GPC1: variants seen among roughly 807,000 people sequenced by gnomAD.
GPC1 encodes glypican 1, also known as glypican-1.
Under a neutral mutation model 51.5 loss-of-function variants are expected in GPC1, and 26 were observed. The ratio of observed to expected loss-of-function variants is 0.50; its 90% CI spans 0.37 to 0.70. The LOEUF is 0.70. Among genes scored for constraint, GPC1 ranks in the 30% least tolerant of loss-of-function variants. The pLI, the probability that GPC1 is intolerant of heterozygous loss-of-function variation, is 0.00. For synonymous variants in GPC1, 380 were observed against 348.3 expected, an observed-to-expected ratio of 1.09 and a Z score of -1.01; for missense variants, 775 against 800.5, an observed-to-expected ratio of 0.97 and a Z score of 0.38.
intron 1 of GPC1, chr2:240,458,053 C>A: frequency 2.1e-6 from 1 of 470,952 alleles, no homozygotes. Flanking sequence ...AGTGTGGAGT[C>A]CTGAGCTTAG....
At chr2:240,458,942 G>A in intron 1 of GPC1, 88 bp from the exon 2 acceptor site, 1 of 1,291,778 alleles carries the variant, frequency 7.7e-7, no homozygotes, top group South Asian at 1.4e-5. Context: ...CCCTGGGTCT[G>A]CCATCCTGCC....
Position 240,464,846 on chromosome 2 carries a change from G to C in GPC1, c.1015-10G>C. On this transcript the variant is annotated splice_polypyrimidine_tract_variant and intron_variant, in intron 5 of 8. Coordinates refer to ENST00000264039, the MANE Select transcript of GPC1 (RefSeq NM_002081.3). ...CACTACCCCCCAAGGACCCTGCAGTGTCTCTCCAGGTCATCCAGGGCTGCG... is the reference window on the plus strand; with the variant it reads ...CACTACCCCCCAAGGACCCTGCAGTCTCTCTCCAGGTCATCCAGGGCTGCG... The C allele has an allele frequency of 6.4e-7, 1 of 1,557,754 alleles. No individual in the cohort carries two copies.
rs530137655 is a variant in GPC1 at position 240,467,680 on chromosome 2, AC to A, written c.*1392del. 3.1e-4 allele frequency: 47 copies of A among 152,104 alleles called. No homozygotes were observed. Among genetic ancestry groups the A allele is most frequent in the African/African-American group, 1.1e-3 (47 of 41,470 alleles). 9.4% of individuals were successfully genotyped at this position (152,104 alleles called of 1,614,324 possible). On this transcript the variant is annotated 3_prime_UTR_variant, in exon 9 of 9. Transcript: ENST00000264039. Reference sequence around the variant, plus strand: ...GCTTAGTGCTGCTTTGCTTTTCATCACCGTCCCGCACAGTGGACGGAGGTCC... The same window carrying A: ...GCTTAGTGCTGCTTTGCTTTTCATCACGTCCCGCACAGTGGACGGAGGTCC...
Position 240,463,521 on chromosome 2 carries a change from C to G in GPC1, c.883+9C>G. On this transcript the variant is annotated intron_variant, in intron 4 of 8. Coordinates refer to ENST00000264039, the MANE Select transcript of GPC1 (RefSeq NM_002081.3). ...GTGGAGGAACCTCCTGGGTGAGCCC[C>G]CACCCGCGAGAGCGGCCTGGAACTG... is the stretch of plus-strand genomic sequence containing the variant. 6.2e-7 allele frequency: 1 copy of G among 1,611,922 alleles called. No individual in the cohort carries two copies. Among genetic ancestry groups the G allele is most frequent in the Non-Finnish European group, 8.5e-7 (1 of 1,179,292 alleles).
rs1559205336 is a variant in GPC1, at chr2:240,467,284, GA to G, written c.*995del. 1 of 152,234 alleles carries G rather than the reference GA, an allele frequency of 6.6e-6. No individual in the cohort carries two copies. The highest frequency in any genetic ancestry group is 1.9e-4 in the East Asian group (1 of 5,186). The allele number at this position is 152,234 out of a possible 1,614,324, so 9.4% of individuals were successfully genotyped here. ...GTGGCTGGTGAGACCCCGCACTGCA[GA>G]CGGGAATGCCTAGGTCCCTTCCCGA... On this transcript the variant is annotated 3_prime_UTR_variant, in exon 9 of 9. Coordinates refer to ENST00000264039, the MANE Select transcript of GPC1 (RefSeq NM_002081.3).
chr2:240,459,371 TCAGG>T (rs199633169), intron 2 of GPC1, among the ~76,000 whole-genome samples, 183 bp downstream of exon 2: 1,972 of 152,248 alleles, frequency 0.013, 18 homozygotes, highest in Non-Finnish European at 0.02. Context: ...GGGGCTGCCC[TCAGG>T]CAGGGATCTG....
At chr2:240,437,438 T>C (rs1459386970) in intron 1 of GPC1, among the ~76,000 whole-genome samples, 2 of 151,518 alleles carry the variant, frequency 1.3e-5, no homozygotes, top group Non-Finnish European at 2.9e-5. Context: ...CCTTGGCGGA[T>C]CTCCCGATGC....
At chr2:240,443,963 G>C (rs2074033701) in intron 1 of GPC1, among the ~76,000 whole-genome samples, 1 of 152,246 alleles carries the variant, frequency 6.6e-6, no homozygotes, top group African/African-American at 2.4e-5. Flanking sequence ...CTCCTGCTCT[G>C]GGCCTGGCTA....
chr2:240,464,923 G>T lies in GPC1; in HGVS notation c.1082G>T (p.Arg361Leu). 1.3e-6 allele frequency: 2 copies of T among 1,551,366 alleles called. No homozygotes were observed. The highest frequency in any genetic ancestry group is 1.7e-6 in the Non-Finnish European group (2 of 1,147,662). ...CCCGGGCCTGAGGAGAAGCGGCGCC[G>T]GGGCAAGCTGGCCCCGCGGGAGAGG... ...QGPGPEEKRRRGKLAPRERPP... is the reference protein window; with the variant it reads ...QGPGPEEKRRLGKLAPRERPP... Residue 361 changes from arginine (R) to leucine (L), a missense_variant, in exon 6 of 9, where the codon CGG (arginine) becomes CTG (leucine). By Grantham distance (102) the Arg-to-Leu change is moderately radical. Transcript: ENST00000264039.
At chr2:240,462,615 C>A (rs766744309) in intron 3 of GPC1, 33 bp downstream of exon 3, 2 of 1,495,626 alleles carry the variant, frequency 1.3e-6, no homozygotes, top group East Asian at 2.3e-5. Flanking sequence ...CTCAGAAACC[C>A]CTCCAGACCC....
chr2:240,462,079 G>A, intron 2 of GPC1, 112 bp from the exon 3 acceptor site: 1 of 1,075,152 alleles, frequency 9.3e-7, no homozygotes, highest in Non-Finnish European at 1.3e-6. Flanking sequence ...CGACTCCGAG[G>A]TCCTCAGAGT....
chr2:240,454,067 G>A (rs2074132635), intron 1 of GPC1, among the ~76,000 whole-genome samples: 1 of 152,142 alleles, frequency 6.6e-6, no homozygotes, highest in Admixed American at 6.5e-5. Context: ...TGGTGGCGGG[G>A]GGGCTTCGGG....
intron 4 of GPC1, chr2:240,463,803 C>A: frequency 2.1e-6 from 1 of 478,562 alleles, no homozygotes; most frequent in Non-Finnish European, 3.7e-6. Flanking sequence ...CATGCCAACA[C>A]GTGTGACTCA....
At chr2:240,457,283 C>CT (rs1322346412) in intron 1 of GPC1, among the ~76,000 whole-genome samples, 1 of 152,210 alleles carries the variant, frequency 6.6e-6, no homozygotes, top group Non-Finnish European at 1.5e-5. Context: ...CCAGGCCCCT[C>CT]TGACAACCTG....
At chr2:240,455,438 G>A (rs2074149392) in intron 1 of GPC1, among the ~76,000 whole-genome samples, 1 of 152,190 alleles carries the variant, frequency 6.6e-6, no homozygotes, top group Non-Finnish European at 1.5e-5. Context: ...GGGAGGGGTG[G>A]GCCGGAAGGG....
At chr2:240,437,026 G>C (rs1399112810) in intron 1 of GPC1, among the ~76,000 whole-genome samples, 1 of 152,248 alleles carries the variant, frequency 6.6e-6, no homozygotes, top group Non-Finnish European at 1.5e-5. Context: ...CTTTCCACGT[G>C]TGGGAACCAA....
chr2:240,464,676 G>A lies in GPC1; in HGVS notation c.944G>A (p.Gly315Asp), dbSNP rs771247903. 3.2e-5 allele frequency: 51 copies of A among 1,612,904 alleles called. No homozygotes were observed. The highest frequency in any genetic ancestry group is 3.9e-5 in the Non-Finnish European group (46 of 1,179,798). Residue 315 changes from glycine (G) to aspartate (D), a missense_variant, in exon 5 of 9, where the codon GGC becomes GAC. By Grantham distance (94) the Gly-to-Asp change is moderately conservative. Transcript: ENST00000264039. Reference protein sequence around the residue: ...WGTSGVESVIGSVHTWLAEAI... With the variant: ...WGTSGVESVIDSVHTWLAEAI... ...ACATCGGGTGTGGAGAGTGTCATCG[G>A]CAGCGTGCACACGTGGCTGGCGGAG...
At chr2:240,436,691 C>T (rs1423472854) in intron 1 of GPC1, among the ~76,000 whole-genome samples, 1 of 152,236 alleles carries the variant, frequency 6.6e-6, no homozygotes, top group African/African-American at 2.4e-5. Flanking sequence ...GGGGAGGGAG[C>T]TGGGCACTTA....
At chr2:240,465,283 T>A in intron 7 of GPC1, 73 bp downstream of exon 7, 1 of 1,494,160 alleles carries the variant, frequency 6.7e-7, no homozygotes, top group Non-Finnish European at 9.0e-7. Context: ...GGCCAGGTGC[T>A]GTCTGCACGG....
Sources: allele counts gnomAD v4.1 joint callset (sites outside exome capture counted in the v4.1 genomes callset), GRCh38; gene constraint gnomAD v4.1.1; transcripts MANE v1.5; gene names NCBI Gene and HGNC (gene_info 2026-07-23, HGNC 2026-07-21).